FARS2: variants seen among roughly 807,000 people sequenced by gnomAD.
The protein encoded by FARS2 is phenylalanyl-tRNA synthetase 2, mitochondrial.
In FARS2, 40 loss-of-function variants were observed where a neutral mutation model predicts 46.4. That is an observed-to-expected ratio of 0.86 (90% CI 0.67 to 1.12). The LOEUF (loss-of-function observed/expected upper bound fraction) is 1.12, where lower values mean the gene tolerates loss of function less well. FARS2 is among the 50% of genes most tolerant of loss of function. The pLI is 0.00. For synonymous variants in FARS2, 234 were observed against 214.9 expected, an observed-to-expected ratio of 1.09 and a Z score of -0.78; for missense variants, 513 against 567.9, an observed-to-expected ratio of 0.90 and a Z score of 0.98.
chr6:5,754,349 C>T (rs1272235543), intron 6 of FARS2, among the ~76,000 whole-genome samples: 1 of 152,170 alleles, frequency 6.6e-6, no homozygotes, highest in Non-Finnish European at 1.5e-5. Flanking sequence ...ATTGTAACGG[C>T]CAGGACAGGA....
intron 6 of FARS2, among the ~76,000 whole-genome samples, chr6:5,616,363 G>A (rs1775480895): frequency 6.6e-6 from 1 of 152,140 alleles, no homozygotes; most frequent in East Asian, 1.9e-4. Flanking sequence ...AAAAATATTG[G>A]AACAAGACTG....
At chr6:5,324,371 T>C (rs980181077) in intron 1 of FARS2, among the ~76,000 whole-genome samples, 1 of 152,124 alleles carries the variant, frequency 6.6e-6, no homozygotes, top group Non-Finnish European at 1.5e-5. Context: ...TATTTCACCT[T>C]TCTCTTTCCT....
intron 1 of FARS2, among the ~76,000 whole-genome samples, chr6:5,329,179 A>T (rs77399042): frequency 6.6e-6 from 1 of 152,092 alleles, no homozygotes; most frequent in Admixed American, 6.5e-5. Flanking sequence ...AAACAAGTTG[A>T]TTGGAGGCAA....
chr6:5,769,674 A>T (rs371636236), intron 6 of FARS2, among the ~76,000 whole-genome samples: 1 of 152,320 alleles, frequency 6.6e-6, no homozygotes, highest in African/African-American at 2.4e-5. Context: ...TAAAGCAGGC[A>T]GCTGACATTG....
intron 4 of FARS2, among the ~76,000 whole-genome samples, chr6:5,532,057 G>A (rs191461266): frequency 2.0e-5 from 3 of 152,140 alleles, no homozygotes; most frequent in Admixed American, 1.3e-4. Flanking sequence ...ATTTTGGAAC[G>A]ATAAAACCCA....
intron 5 of FARS2, among the ~76,000 whole-genome samples, chr6:5,601,274 C>T (rs978171900): frequency 6.6e-6 from 1 of 152,086 alleles, no homozygotes; most frequent in Non-Finnish European, 1.5e-5. Context: ...GTAATCCCAG[C>T]ACTTTGGGAG....
chr6:5,528,451 T>G (rs1010738092), intron 4 of FARS2, among the ~76,000 whole-genome samples: 2 of 152,194 alleles, frequency 1.3e-5, no homozygotes, highest in Non-Finnish European at 2.9e-5. Flanking sequence ...AGAACCTAAT[T>G]TCTAACACTC....
chr6:5,540,993 G>T (rs1242491941), intron 4 of FARS2, among the ~76,000 whole-genome samples: 3 of 152,110 alleles, frequency 2.0e-5, no homozygotes, highest in Non-Finnish European at 2.9e-5. Flanking sequence ...GTTGTTAGGG[G>T]TTATATTTTC....
chr6:5,354,495 G>A (rs1468260249), intron 1 of FARS2, among the ~76,000 whole-genome samples: 1 of 151,400 alleles, frequency 6.6e-6, no homozygotes, highest in Non-Finnish European at 1.5e-5. Flanking sequence ...CATTTCAGTG[G>A]ATTTCTATGC....
upstream of FARS2, among the ~76,000 whole-genome samples, chr6:5,258,922 G>T (rs1310964413): frequency 2.6e-5 from 4 of 152,130 alleles, no homozygotes; most frequent in East Asian, 5.8e-4. Flanking sequence ...TGATTTTCCT[G>T]TTCAGTTGGC....
chr6:5,746,910 G>T (rs1341902177), intron 6 of FARS2, among the ~76,000 whole-genome samples: 1 of 152,232 alleles, frequency 6.6e-6, no homozygotes, highest in Non-Finnish European at 1.5e-5. Flanking sequence ...GGAAACATAT[G>T]TAGGACCTTT....
intron 2 of FARS2, among the ~76,000 whole-genome samples, chr6:5,382,819 T>C (rs1174467754): frequency 6.6e-6 from 1 of 152,194 alleles, no homozygotes; most frequent in Non-Finnish European, 1.5e-5. Flanking sequence ...CATTATAGTT[T>C]GTCACAATCT....
intron 5 of FARS2, among the ~76,000 whole-genome samples, chr6:5,585,313 G>C (rs1299906925): frequency 6.6e-6 from 1 of 152,002 alleles, no homozygotes; most frequent in Non-Finnish European, 1.5e-5. Flanking sequence ...TTTTGTGTGT[G>C]TAAGTGTATG....
At chr6:5,767,244 C>T (rs1229995341) in intron 6 of FARS2, among the ~76,000 whole-genome samples, 1 of 151,820 alleles carries the variant, frequency 6.6e-6, no homozygotes, top group Non-Finnish European at 1.5e-5. Context: ...TTAGTAGAGA[C>T]GGGGTTTCAC....
chr6:5,651,587 G>C (rs966197453), intron 6 of FARS2, among the ~76,000 whole-genome samples: 1 of 152,220 alleles, frequency 6.6e-6, no homozygotes, highest in Non-Finnish European at 1.5e-5. Context: ...ATCAGAGGGG[G>C]ATCTGTTCAG....
intron 6 of FARS2, among the ~76,000 whole-genome samples, chr6:5,702,576 G>T (rs2150886458): frequency 6.6e-6 from 1 of 152,074 alleles, no homozygotes; most frequent in East Asian, 1.9e-4. Flanking sequence ...ATTAGTGTAG[G>T]TCAGTTCTTA....
chr6:5,534,696 A>G (rs1426281862), intron 4 of FARS2, among the ~76,000 whole-genome samples: 7 of 152,174 alleles, frequency 4.6e-5, no homozygotes, highest in Admixed American at 6.5e-5. Context: ...CCTTGGGACT[A>G]TTGTGAATAA....
intron 4 of FARS2, among the ~76,000 whole-genome samples, chr6:5,450,560 T>C (rs1764428295): frequency 6.6e-6 from 1 of 152,122 alleles, no homozygotes; most frequent in Non-Finnish European, 1.5e-5. Context: ...AAATTTCCCC[T>C]GATTTCCATG....
chr6:5,543,713 A>C (rs901369138), intron 4 of FARS2, among the ~76,000 whole-genome samples: 1 of 151,924 alleles, frequency 6.6e-6, no homozygotes, highest in Admixed American at 6.6e-5. Context: ...ATGAGAACAA[A>C]ATGTTTCTTG....
Sources: allele counts gnomAD v4.1 joint callset (sites outside exome capture counted in the v4.1 genomes callset), GRCh38; gene constraint gnomAD v4.1.1; transcripts MANE v1.5; gene names NCBI Gene and HGNC (gene_info 2026-07-23, HGNC 2026-07-21).